LIN28B: variants seen among roughly 807,000 people sequenced by gnomAD.
The protein encoded by LIN28B is protein lin-28 homolog B.
A neutral mutation model predicts 21.9 loss-of-function variants in LIN28B; 5 were observed. That is an observed-to-expected ratio of 0.23 (90% CI 0.12 to 0.48). The LOEUF (loss-of-function observed/expected upper bound fraction) is 0.48. Among genes scored for constraint, LIN28B ranks in the 20% least tolerant of loss-of-function variants. The pLI, the probability that LIN28B is intolerant of heterozygous loss-of-function variation, is 0.98. For missense variants in LIN28B, 245 were observed against 310.5 expected (o/e 0.79, Z 1.58); for synonymous variants, 109 against 111.3 (o/e 0.98, Z 0.13).
intron 3 of LIN28B, among the ~76,000 whole-genome samples, chr6:105,044,989 T>C (rs752005615): frequency 6.6e-6 from 1 of 152,070 alleles, no homozygotes; most frequent in Non-Finnish European, 1.5e-5. Flanking sequence ...CAATATAGTG[T>C]GACCCTATCT....
intron 3 of LIN28B, among the ~76,000 whole-genome samples, chr6:105,068,395 C>T (rs1041229103): frequency 6.6e-6 from 1 of 152,148 alleles, no homozygotes; most frequent in Non-Finnish European, 1.5e-5. Context: ...GTTAATTTCT[C>T]ATCATATAAT....
chr6:105,025,837 G>C (rs1771276710), intron 2 of LIN28B, among the ~76,000 whole-genome samples: 1 of 151,538 alleles, frequency 6.6e-6, no homozygotes, highest in African/African-American at 2.4e-5. Context: ...AATATGACAT[G>C]CTTATCTTTC....
At chr6:105,063,604 C>T (rs1422952004) in intron 3 of LIN28B, among the ~76,000 whole-genome samples, 1 of 142,950 alleles carries the variant, frequency 7.0e-6, no homozygotes, top group Non-Finnish European at 1.5e-5. Flanking sequence ...CCACTGCACT[C>T]CAGCCTGGGC....
At chr6:105,021,335 G>A (rs1771137216) in intron 2 of LIN28B, among the ~76,000 whole-genome samples, 1 of 152,080 alleles carries the variant, frequency 6.6e-6, no homozygotes, top group Non-Finnish European at 1.5e-5. Flanking sequence ...AAACATACAA[G>A]TGTGGTTATC....
chr6:105,075,793 A>C (rs1275058287), intron 3 of LIN28B, among the ~76,000 whole-genome samples: 3 of 152,198 alleles, frequency 2.0e-5, no homozygotes, highest in Non-Finnish European at 2.9e-5. Context: ...TGGATAACAC[A>C]GTGCATACCA....
intron 2 of LIN28B, among the ~76,000 whole-genome samples, chr6:104,960,246 A>G (rs1769703454): frequency 6.6e-6 from 1 of 152,118 alleles, no homozygotes; most frequent in African/African-American, 2.4e-5. Context: ...TATAAATTGT[A>G]TGAATAATTG....
intron 2 of LIN28B, chr6:104,941,415 T>C (rs1582853388): frequency 1.5e-5 from 2 of 134,696 alleles, no homozygotes; most frequent in African/African-American, 5.3e-5. Flanking sequence ...CTGCGGTTGC[T>C]GCCGGGCGGC....
In LIN28B at chr6:105,023,661, T is replaced by A. The variant is rs375275175; in HGVS notation, c.199-2637T>A. 4.4e-3 allele frequency among the ~76,000 whole-genome samples: 421 copies of A among 95,698 alleles called. 9 individuals carry two copies. The highest frequency in any genetic ancestry group is 0.016 in the African/African-American group (385 of 23,964). The allele number at this position is 95,698 out of a possible 152,430, so 62.8% of individuals were successfully genotyped here. ...TATAAAATATATAATATATATATAT[T>A]TTTTTGCCAAGTATTATGAAACTAA... On this transcript the variant is annotated intron_variant, in intron 2 of 3. Transcript: ENST00000345080.
At chr6:105,069,688 C>CA (rs745592711) in intron 3 of LIN28B, among the ~76,000 whole-genome samples, 1,651 of 125,758 alleles carry the variant, frequency 0.013, 19 homozygotes, top group African/African-American at 0.027. Flanking sequence ...GACCCTGTCT[C>CA]AAAAAAAAAA....
chr6:105,071,258 G>A (rs192399731), intron 3 of LIN28B, among the ~76,000 whole-genome samples: 45 of 152,114 alleles, frequency 3.0e-4, no homozygotes, highest in African/African-American at 8.4e-4. Context: ...CGATCATACC[G>A]TATTTATGTA....
At chr6:105,065,033 T>C (rs191042086) in intron 3 of LIN28B, among the ~76,000 whole-genome samples, 19 of 152,348 alleles carry the variant, frequency 1.2e-4, no homozygotes, top group Admixed American at 9.8e-4. Flanking sequence ...AATCTGGTTC[T>C]ATCTGGGGAT....
At chr6:104,949,122 G>C (rs1214431837) in intron 2 of LIN28B, among the ~76,000 whole-genome samples, 1 of 151,906 alleles carries the variant, frequency 6.6e-6, no homozygotes, top group South Asian at 2.1e-4. Flanking sequence ...AATATAAGCA[G>C]ATAGGATTAA....
chr6:104,957,194 G>T lies in LIN28B; in HGVS notation c.-57G>T. 1 of 1,613,918 alleles carries T rather than the reference G, an allele frequency of 6.2e-7. No individual in the cohort carries two copies. The highest frequency in any genetic ancestry group is 8.5e-7 in the Non-Finnish European group (1 of 1,179,834). On this transcript the variant is annotated 5_prime_UTR_variant, in exon 1 of 4. Transcript: ENST00000345080. ...TTAGATTGATGCAGAAGATCACTCC[G>T]TTCCAAAGGGAAAGTTTTCATCTCA...
chr6:105,035,471 T>C (rs1221493083), intron 3 of LIN28B, among the ~76,000 whole-genome samples: 1 of 152,122 alleles, frequency 6.6e-6, no homozygotes, highest in African/African-American at 2.4e-5. Flanking sequence ...TCTTACAAGG[T>C]CAACATCTGA....
At chr6:104,941,579 G>C (rs1247324005) in intron 2 of LIN28B, 1 of 151,072 alleles carries the variant, frequency 6.6e-6, no homozygotes, top group Non-Finnish European at 1.5e-5. Context: ...GGGCCGCGCC[G>C]CCAGAGGGCG....
At chr6:105,069,585 G>A (rs1310757025) in intron 3 of LIN28B, among the ~76,000 whole-genome samples, 4 of 151,220 alleles carry the variant, frequency 2.6e-5, no homozygotes, top group Non-Finnish European at 5.9e-5. Context: ...AAAAAAATTA[G>A]CCAAGCATGT....
intron 2 of LIN28B, among the ~76,000 whole-genome samples, chr6:104,967,674 A>AATTATTATT (rs199904941): frequency 2.0e-5 from 3 of 148,480 alleles, no homozygotes; most frequent in African/African-American, 7.4e-5. Flanking sequence ...TTATTTAATT[A>AATTATTATT]ATTATTATTA....
At chr6:105,054,753 C>A (rs1771987739) in intron 3 of LIN28B, among the ~76,000 whole-genome samples, 1 of 152,168 alleles carries the variant, frequency 6.6e-6, no homozygotes, top group Non-Finnish European at 1.5e-5. Flanking sequence ...GGACTTCTTG[C>A]CACTTTGGGG....
intron 2 of LIN28B, among the ~76,000 whole-genome samples, chr6:105,010,578 C>T (rs1342775998): frequency 6.6e-6 from 1 of 152,078 alleles, no homozygotes; most frequent in Non-Finnish European, 1.5e-5. Context: ...TTTTTGTATA[C>T]TTTATATAAC....
Sources: gnomAD v4.1 joint callset for allele counts (sites outside exome capture counted in the v4.1 genomes callset) on GRCh38, gnomAD v4.1.1 for gene constraint, MANE v1.5 for transcripts, NCBI Gene and HGNC (gene_info 2026-07-23, HGNC 2026-07-21) for gene names.